VSTM2L: variants seen among roughly 807,000 people sequenced by gnomAD.
VSTM2L encodes the protein V-set and transmembrane domain containing 2 like.
A neutral mutation model predicts 19.9 loss-of-function variants in VSTM2L; 9 were observed. The ratio of observed to expected loss-of-function variants is 0.45; its 90% CI spans 0.27 to 0.79. The LOEUF (loss-of-function observed/expected upper bound fraction) is 0.79. Ranked by LOEUF, VSTM2L falls within the 30% of genes least tolerant of loss-of-function variation. The pLI is 0.15. For synonymous variants in VSTM2L, 127 were observed against 133.8 expected (o/e 0.95, Z 0.35); for missense variants, 286 against 295.5 (o/e 0.97, Z 0.24).
intron 3 of VSTM2L, among the ~76,000 whole-genome samples, chr20:37,938,219 T>A (rs1472685239): frequency 2.0e-5 from 3 of 152,028 alleles, no homozygotes; most frequent in Non-Finnish European, 4.4e-5. Flanking sequence ...AGGAGGTCAG[T>A]GGGTTCAGGG....
chr20:37,933,488 CTGTGCTAA>C, intron 2 of VSTM2L, 43 bp from the exon 3 acceptor site: 1 of 1,491,012 alleles, frequency 6.7e-7, no homozygotes, highest in Non-Finnish European at 9.3e-7. Context: ...CACCCCCACC[CTGTGCTAA>C]CACCTTGTCT....
At chr20:37,916,070 C>A (rs1348808753) in intron 1 of VSTM2L, among the ~76,000 whole-genome samples, 2 of 152,216 alleles carry the variant, frequency 1.3e-5, no homozygotes, top group African/African-American at 4.8e-5. Context: ...GCTTCCCCCA[C>A]TTCTTCCCTC....
intron 3 of VSTM2L, among the ~76,000 whole-genome samples, chr20:37,934,282 G>A (rs1479148230): frequency 6.6e-6 from 1 of 152,168 alleles, no homozygotes; most frequent in Admixed American, 6.5e-5. Context: ...GAAGGAGGGG[G>A]CACCCAAAGC....
At chr20:37,907,155 C>T (rs920817809) in intron 1 of VSTM2L, among the ~76,000 whole-genome samples, 13 of 152,186 alleles carry the variant, frequency 8.5e-5, no homozygotes, top group African/African-American at 2.9e-4. Flanking sequence ...TGACCAGGCT[C>T]GAGTGCAGTG....
chr20:37,909,784 G>A (rs1430347807), intron 1 of VSTM2L, among the ~76,000 whole-genome samples: 1 of 152,194 alleles, frequency 6.6e-6, no homozygotes, highest in Non-Finnish European at 1.5e-5. Context: ...CCCTGACCCT[G>A]ATGAGGCACT....
chr20:37,944,073 C>T lies in VSTM2L; in HGVS notation c.435C>T (p.Ile145=). The change falls in exon 4 of 4, where the codon ATC becomes ATT. Residue 145 remains isoleucine (I), a synonymous_variant. Transcript: ENST00000373461. ...TDEGTYECRV[I]DFSDGKARHH... Reference sequence around the variant, plus strand: ...AAGGCACCTACGAGTGCCGCGTCATCGACTTCAGCGACGGCAAGGCCCGGC... The same window carrying T: ...AAGGCACCTACGAGTGCCGCGTCATTGACTTCAGCGACGGCAAGGCCCGGC... The T allele has an allele frequency of 6.2e-7, 1 of 1,612,858 alleles. No homozygotes were observed. Among genetic ancestry groups the T allele is most frequent in the Non-Finnish European group, 8.5e-7 (1 of 1,179,288 alleles).
intron 1 of VSTM2L, among the ~76,000 whole-genome samples, chr20:37,922,794 C>G (rs1568837923): frequency 6.6e-6 from 1 of 152,150 alleles, no homozygotes; most frequent in Non-Finnish European, 1.5e-5. Flanking sequence ...GCTGGATGAG[C>G]CCCTGTGGCT....
chr20:37,930,723 C>T (rs2072903456), intron 1 of VSTM2L, among the ~76,000 whole-genome samples: 2 of 152,048 alleles, frequency 1.3e-5, no homozygotes, highest in Non-Finnish European at 1.5e-5. Context: ...ATGCCCTGGG[C>T]TGTGGTGGAG....
chr20:37,923,314 T>G (rs913178928), intron 1 of VSTM2L, among the ~76,000 whole-genome samples: 1 of 152,178 alleles, frequency 6.6e-6, no homozygotes, highest in Non-Finnish European at 1.5e-5. Flanking sequence ...ATCTCCTGCC[T>G]TTCCCAGAAG....
intron 2 of VSTM2L, among the ~76,000 whole-genome samples, chr20:37,932,711 C>T (rs2072917784): frequency 6.6e-6 from 1 of 152,154 alleles, no homozygotes; most frequent in African/African-American, 2.4e-5. Context: ...CCTGGGATCA[C>T]CTCCCAAATA....
rs932093704 is a variant in VSTM2L at position 37,912,075 on chromosome 20, C to T, written c.121+8604C>T. Among the ~76,000 whole-genome samples the T allele has an allele frequency of 1.2e-4, 19 of 152,230 alleles. 1 individual carries two copies. The highest frequency in any genetic ancestry group is 3.9e-4 in the Admixed American group (6 of 15,290). The stretch of plus-strand genomic sequence containing the variant: ...CCCCTGCCTCCTCCCATTTACTCCC[C>T]ACCATGCTAGGAGGCGGGCCCTCCC... On this transcript the variant is annotated intron_variant, in intron 1 of 3. Transcript: ENST00000373461.
chr20:37,922,583 G>A (rs2072857822), intron 1 of VSTM2L, among the ~76,000 whole-genome samples: 1 of 152,176 alleles, frequency 6.6e-6, no homozygotes, highest in African/African-American at 2.4e-5. Context: ...GTCCCCAAGG[G>A]GAGTCCTGCT....
intron 3 of VSTM2L, among the ~76,000 whole-genome samples, chr20:37,934,147 T>G (rs144658878): frequency 2.6e-5 from 4 of 152,116 alleles, no homozygotes; most frequent in Admixed American, 6.5e-5. Context: ...TTGCCAGAGG[T>G]CACGCCAAGG....
Position 37,944,194 on chromosome 20 carries a change from C to G in VSTM2L, c.556C>G (p.Pro186Ala), listed in dbSNP as rs1309241748. The change falls in exon 4 of 4, where the codon CCC (proline) becomes GCC (alanine). Residue 186 changes from proline (P) to alanine (A), a missense_variant. Coordinates refer to ENST00000373461, the MANE Select transcript of VSTM2L (RefSeq NM_080607.3). ...TCCCGCCGCGCCCGCCCCGCCGCCC[C>G]CCAAGCCAGGCAAGGAGCTGAGGAA... ...APPAAPAPPP[P>A]KPGKELRKRS... is the part of the protein sequence containing the mutation. The G allele has an allele frequency of 1.3e-6, 2 of 1,541,978 alleles. No homozygotes were observed. Among genetic ancestry groups the G allele is most frequent in the Admixed American group, 3.9e-5 (2 of 51,032 alleles).
At chr20:37,939,659 T>A (rs2072960504) in intron 3 of VSTM2L, among the ~76,000 whole-genome samples, 1 of 152,128 alleles carries the variant, frequency 6.6e-6, no homozygotes, top group African/African-American at 2.4e-5. Flanking sequence ...CTGTTGGAAG[T>A]TCACTCGCTG....
rs552642257 is a variant in VSTM2L, at chr20:37,944,946, C to T, written c.*693C>T. 2.3e-5 allele frequency: 23 copies of T among 985,866 alleles called. No individual in the cohort carries two copies. The East Asian group carries it at 1.9e-3, about 83-fold the overall frequency. 61.1% of individuals were successfully genotyped at this position (985,866 alleles called of 1,614,324 possible). ...AGTCAGAAGGGAGGGGCCTTTCCCT[C>T]GGACCCATGGCCCCAGGCAGAGTTT... is the stretch of plus-strand genomic sequence containing the variant. On this transcript the variant is annotated 3_prime_UTR_variant, in exon 4 of 4. Coordinates refer to ENST00000373461, the MANE Select transcript of VSTM2L (RefSeq NM_080607.3).
chr20:37,935,739 T>C lies in VSTM2L; in HGVS notation c.342+2150T>C, dbSNP rs2072935988. Among the ~76,000 whole-genome samples, 3 of 152,170 alleles carry C rather than the reference T, an allele frequency of 2.0e-5. No homozygotes were observed. The South Asian group carries it at 6.2e-4, about 32-fold the overall frequency. ...CCCTAGAGATGAGGGGTGCTGGGACTGAGCCTGCCTGACTCACTGTTGCAT... is the reference window on the plus strand; with the variant it reads ...CCCTAGAGATGAGGGGTGCTGGGACCGAGCCTGCCTGACTCACTGTTGCAT... On this transcript the variant is annotated intron_variant, in intron 3 of 3. Coordinates refer to ENST00000373461, the MANE Select transcript of VSTM2L (RefSeq NM_080607.3).
At chr20:37,906,579 A>T (rs2072753276) in intron 1 of VSTM2L, among the ~76,000 whole-genome samples, 1 of 152,174 alleles carries the variant, frequency 6.6e-6, no homozygotes, top group Non-Finnish European at 1.5e-5. Flanking sequence ...GGTGTTGGAG[A>T]TAGGAGGAAA....
In VSTM2L at chr20:37,909,533, C is replaced by G. The variant is rs138605762; in HGVS notation, c.121+6062C>G. 3.5e-3 allele frequency among the ~76,000 whole-genome samples: 531 copies of G among 152,238 alleles called. 6 individuals carry two copies. The highest frequency in any genetic ancestry group is 0.011 in the African/African-American group (475 of 41,514). ...CTGAATTCTTAAAGCTTTGCTCATTCCAAGTCAATATATTTTTAAACATTC... is the reference window on the plus strand; with the variant it reads ...CTGAATTCTTAAAGCTTTGCTCATTGCAAGTCAATATATTTTTAAACATTC... On this transcript the variant is annotated intron_variant, in intron 1 of 3. Coordinates refer to ENST00000373461, the MANE Select transcript of VSTM2L (RefSeq NM_080607.3).
Sources: gnomAD v4.1 joint callset for allele counts (sites outside exome capture counted in the v4.1 genomes callset) on GRCh38, gnomAD v4.1.1 for gene constraint, MANE v1.5 for transcripts, NCBI Gene and HGNC (gene_info 2026-07-23, HGNC 2026-07-21) for gene names.